NPAS3: variants seen among roughly 807,000 people sequenced by gnomAD.
NPAS3 encodes the protein neuronal PAS domain protein 3.
NPAS3 carries 14 observed loss-of-function variants against 73.1 expected under a neutral mutation model. The ratio of observed to expected loss-of-function variants is 0.19; its 90% CI spans 0.13 to 0.30. The LOEUF (loss-of-function observed/expected upper bound fraction) is 0.30, where lower values mean the gene tolerates loss of function less well. NPAS3 is among the 10% of genes least tolerant of loss of function. The probability of loss-of-function intolerance (pLI) is 1.00; values close to 1 mark genes in which losing one functional copy is unlikely to be tolerated. For missense variants in NPAS3, 1,096 were observed against 1,250.0 expected (o/e 0.88, Z 1.86); for synonymous variants, 620 against 541.5 (o/e 1.14, Z -2.01).
intron 4 of NPAS3, among the ~76,000 whole-genome samples, chr14:33,402,512 G>A (rs2047490299): frequency 6.6e-6 from 1 of 152,038 alleles, no homozygotes; most frequent in Non-Finnish European, 1.5e-5. Flanking sequence ...GACTTGGCTG[G>A]CAGGCCTGAA....
chr14:32,940,912 A>AT (rs1299132685), intron 1 of NPAS3, among the ~76,000 whole-genome samples: 1 of 152,230 alleles, frequency 6.6e-6, no homozygotes, highest in African/African-American at 2.4e-5. Flanking sequence ...TAAACATCAT[A>AT]TATCAGAGAG....
In NPAS3 at chr14:33,264,810, C is replaced by G. The variant is rs2049110911; in HGVS notation, c.385+49384C>G. 2.6e-5 allele frequency among the ~76,000 whole-genome samples: 4 copies of G among 152,276 alleles called. No homozygotes were observed. In the South Asian group the frequency reaches 8.3e-4, roughly 32 times the overall value. The stretch of plus-strand genomic sequence containing the variant: ...CAGTGGCAGCCTGACCTCTTGCCTC[C>G]CACTTCATCAGGGCAGTCTTGGTCT... On this transcript the variant is annotated intron_variant, in intron 3 of 11. Coordinates refer to ENST00000356141, the Ensembl canonical transcript of NPAS3.
chr14:33,373,797 G>A (rs1368674113), intron 4 of NPAS3, among the ~76,000 whole-genome samples: 1 of 152,022 alleles, frequency 6.6e-6, no homozygotes, highest in African/African-American at 2.4e-5. Flanking sequence ...ACCCAAACCT[G>A]AAAGAGAATT....
chr14:33,506,857 T>C (rs577766818), intron 4 of NPAS3, among the ~76,000 whole-genome samples: 1 of 152,198 alleles, frequency 6.6e-6, no homozygotes, highest in South Asian at 2.1e-4. Context: ...TCTATTTATT[T>C]TTCTCCGTAC....
chr14:33,191,724 G>A (rs1440703233), intron 2 of NPAS3, among the ~76,000 whole-genome samples: 2 of 152,178 alleles, frequency 1.3e-5, no homozygotes, highest in African/African-American at 4.8e-5. Flanking sequence ...TTCTTAGGAA[G>A]GCTTCAATTA....
chr14:33,115,834 A>G (rs374514289), intron 2 of NPAS3, among the ~76,000 whole-genome samples: 2 of 152,098 alleles, frequency 1.3e-5, no homozygotes, highest in East Asian at 1.9e-4. Flanking sequence ...CATCTATCTG[A>G]TGATTTGGCC....
intron 4 of NPAS3, among the ~76,000 whole-genome samples, chr14:33,385,191 A>C (rs1355714759): frequency 6.6e-6 from 1 of 152,174 alleles, no homozygotes; most frequent in Non-Finnish European, 1.5e-5. Context: ...TTATTTGAAA[A>C]GGAGCAAGTG....
chr14:33,730,993 T>C (rs193221580), intron 6 of NPAS3, among the ~76,000 whole-genome samples: 17 of 152,310 alleles, frequency 1.1e-4, no homozygotes, highest in South Asian at 8.3e-4. Flanking sequence ...ACTTCTCCTT[T>C]AAAAGGAAAA....
At chr14:33,297,864 A>C (rs1371114849) in intron 3 of NPAS3, among the ~76,000 whole-genome samples, 1 of 152,174 alleles carries the variant, frequency 6.6e-6, no homozygotes, top group East Asian at 1.9e-4. Flanking sequence ...CACTTCACCT[A>C]TTCCAAGTTT....
intron 1 of NPAS3, among the ~76,000 whole-genome samples, chr14:32,942,491 A>C (rs547107915): frequency 6.6e-6 from 1 of 152,302 alleles, no homozygotes; most frequent in East Asian, 1.9e-4. Context: ...CAAGTTGAAA[A>C]CCTTGTGTAC....
At chr14:33,679,619 A>AG (rs1161326824) in intron 6 of NPAS3, among the ~76,000 whole-genome samples, 1 of 152,236 alleles carries the variant, frequency 6.6e-6, no homozygotes, top group African/African-American at 2.4e-5. Context: ...TGAAAATGAA[A>AG]GGACTAGTAG....
chr14:33,278,938 A>C (rs575993740), intron 3 of NPAS3, among the ~76,000 whole-genome samples: 6 of 152,042 alleles, frequency 3.9e-5, no homozygotes, highest in African/African-American at 9.7e-5. Flanking sequence ...ACATGAAAAG[A>C]ATCACAAACA....
At chr14:32,960,583 A>G (rs1566801356) in intron 1 of NPAS3, among the ~76,000 whole-genome samples, 1 of 152,224 alleles carries the variant, frequency 6.6e-6, no homozygotes, top group Non-Finnish European at 1.5e-5. Context: ...TCATTAATTC[A>G]GAAGTAATAA....
chr14:33,572,406 T>C (rs1300491451), intron 5 of NPAS3, among the ~76,000 whole-genome samples: 1 of 152,206 alleles, frequency 6.6e-6, no homozygotes, highest in Non-Finnish European at 1.5e-5. Flanking sequence ...TATTAAGCTA[T>C]TACTCTGTGC....
intron 2 of NPAS3, among the ~76,000 whole-genome samples, chr14:33,067,191 T>G (rs1190969245): frequency 1.3e-5 from 2 of 152,156 alleles, no homozygotes; most frequent in Non-Finnish European, 2.9e-5. Flanking sequence ...GGATGACACT[T>G]TACCTTAGAA....
intron 4 of NPAS3, among the ~76,000 whole-genome samples, chr14:33,515,167 G>A (rs751113782): frequency 6.6e-6 from 1 of 152,012 alleles, no homozygotes; most frequent in Admixed American, 6.6e-5. Context: ...ACATAGCATG[G>A]CTACTTCCAC....
chr14:33,739,907 C>T (rs1223300587), intron 7 of NPAS3, among the ~76,000 whole-genome samples: 2 of 152,172 alleles, frequency 1.3e-5, no homozygotes, highest in Non-Finnish European at 2.9e-5. Context: ...CTTTCTGCCA[C>T]ACTTTCACCT....
intron 1 of NPAS3, among the ~76,000 whole-genome samples, chr14:33,008,196 G>A (rs2039066977): frequency 1.3e-5 from 2 of 152,110 alleles, no homozygotes; most frequent in Admixed American, 6.5e-5. Flanking sequence ...TTCATTGATG[G>A]AGAACTGGTT....
At chr14:33,568,503 A>G (rs2056070306) in intron 5 of NPAS3, among the ~76,000 whole-genome samples, 1 of 152,212 alleles carries the variant, frequency 6.6e-6, no homozygotes, top group Non-Finnish European at 1.5e-5. Flanking sequence ...ATACCTCTAC[A>G]CTAAAGCCAG....
Sources: allele counts gnomAD v4.1 joint callset (sites outside exome capture counted in the v4.1 genomes callset), GRCh38; gene constraint gnomAD v4.1.1; transcripts MANE v1.5; gene names NCBI Gene and HGNC (gene_info 2026-07-23, HGNC 2026-07-21).